Variants in ZNF423 observed in about 807,000 individuals in gnomAD.
ZNF423 encodes zinc finger protein 423, also known as Ebf-associated zinc finger protein.
Under a neutral mutation model 95.8 loss-of-function variants are expected in ZNF423, and 12 were observed. That is an observed-to-expected ratio of 0.13 (90% CI 0.08 to 0.20). The LOEUF (loss-of-function observed/expected upper bound fraction) is 0.20. ZNF423 is among the 10% of genes least tolerant of loss of function. The pLI, the probability that ZNF423 is intolerant of heterozygous loss-of-function variation, is 1.00. For synonymous variants in ZNF423, 749 were observed against 711.9 expected (o/e 1.05, Z -0.83); for missense variants, 1,316 against 1,737.1 (o/e 0.76, Z 4.31).
intron 5 of ZNF423, among the ~76,000 whole-genome samples, chr16:49,602,959 C>T (rs971964059): frequency 6.6e-6 from 1 of 152,224 alleles, no homozygotes; most frequent in Admixed American, 6.5e-5. Flanking sequence ...CACCGAGGAG[C>T]GGAAGCTTCC....
At chr16:49,513,681 G>A (rs1337484193) in intron 7 of ZNF423, among the ~76,000 whole-genome samples, 1 of 150,306 alleles carries the variant, frequency 6.7e-6, no homozygotes, top group Non-Finnish European at 1.5e-5. Flanking sequence ...ATGGACGGAC[G>A]GATGGCAAAG....
intron 7 of ZNF423, among the ~76,000 whole-genome samples, chr16:49,495,285 C>A (rs1476493411): frequency 6.6e-6 from 1 of 152,192 alleles, no homozygotes; most frequent in East Asian, 1.9e-4. Context: ...GTTTTGGGGG[C>A]CTCTGCCTGG....
At chr16:49,780,684 C>A (rs562486629) in intron 2 of ZNF423, 1 of 152,186 alleles carries the variant, frequency 6.6e-6, no homozygotes, top group African/African-American at 2.4e-5. Flanking sequence ...AACCCGCCAG[C>A]GCATGCCTGC....
At chr16:49,837,947 G>C (rs1384932333) in intron 1 of ZNF423, among the ~76,000 whole-genome samples, 4 of 152,182 alleles carry the variant, frequency 2.6e-5, no homozygotes, top group Non-Finnish European at 5.9e-5. Context: ...ATTACAATCC[G>C]GGGAGCTGCT....
At chr16:49,626,041 G>A (rs1596738138) in intron 5 of ZNF423, 129 bp downstream of exon 5, 7 of 851,944 alleles carry the variant, frequency 8.2e-6, no homozygotes, top group South Asian at 3.1e-5. Context: ...ACTCCCATGT[G>A]CAATGTCTCA....
In ZNF423 at chr16:49,571,115, T is replaced by C. The variant is rs150808352; in HGVS notation, c.3602-45621A>G. Reference sequence around the variant, plus strand: ...AGCCTTCTTGATTTGCTTGGGTTTTTTGGTTTATCCAACAAGAATTTGCTA... The same window carrying C: ...AGCCTTCTTGATTTGCTTGGGTTTTCTGGTTTATCCAACAAGAATTTGCTA... On this transcript the variant is annotated intron_variant, in intron 5 of 7. Coordinates refer to ENST00000563137, the MANE Select transcript of ZNF423 (RefSeq NM_001379286.1). 1.2e-3 allele frequency among the ~76,000 whole-genome samples: 177 copies of C among 152,376 alleles called. 1 individual carries two copies. The highest frequency in any genetic ancestry group is 3.9e-3 in the African/African-American group (162 of 41,588).
intron 7 of ZNF423, among the ~76,000 whole-genome samples, chr16:49,506,673 A>C (rs1276314470): frequency 1.3e-5 from 2 of 151,908 alleles, no homozygotes; most frequent in Non-Finnish European, 2.9e-5. Context: ...ATGGATGGAA[A>C]GGTGGGTGGA....
At chr16:49,727,577 G>A (rs186128521) in intron 3 of ZNF423, among the ~76,000 whole-genome samples, 362 of 152,062 alleles carry the variant, frequency 2.4e-3, no homozygotes, top group African/African-American at 8.4e-3. Context: ...ATACACCCCC[G>A]ACACCCCAAC....
At chr16:49,604,362 C>T (rs1971466799) in intron 5 of ZNF423, among the ~76,000 whole-genome samples, 1 of 152,158 alleles carries the variant, frequency 6.6e-6, no homozygotes, top group Admixed American at 6.5e-5. Flanking sequence ...GGTAGTGGCA[C>T]AGTGGTCCAG....
intron 3 of ZNF423, among the ~76,000 whole-genome samples, chr16:49,713,124 C>T (rs750574829): frequency 1.3e-5 from 2 of 152,216 alleles, no homozygotes; most frequent in African/African-American, 4.8e-5. Flanking sequence ...CAGAGCAAGA[C>T]CAAAGTGCTG....
intron 5 of ZNF423, among the ~76,000 whole-genome samples, chr16:49,538,850 CT>C (rs1274194448): frequency 5.9e-5 from 9 of 152,224 alleles, no homozygotes; most frequent in African/African-American, 2.2e-4. Context: ...AAAAAGGTAG[CT>C]TTCAAAACAT....
chr16:49,646,568 C>CTTTTTTTTTTTTTTTTTTTTTTTT (rs1194511671), intron 3 of ZNF423, among the ~76,000 whole-genome samples: 24 of 120,716 alleles, frequency 2.0e-4, no homozygotes, highest in Non-Finnish European at 3.8e-4. Flanking sequence ...ATTTTCTTTT[C>CTTTTTTTTTTTTTTTTTTTTTTTT]TTTTTCTTTT....
intron 5 of ZNF423, among the ~76,000 whole-genome samples, chr16:49,553,897 A>G (rs1969730912): frequency 6.6e-6 from 1 of 152,168 alleles, no homozygotes; most frequent in East Asian, 1.9e-4. Flanking sequence ...TGGGGAACTG[A>G]AGCCCCCCAA....
intron 1 of ZNF423, among the ~76,000 whole-genome samples, chr16:49,804,347 G>A (rs1403979484): frequency 6.6e-6 from 1 of 152,132 alleles, no homozygotes; most frequent in Middle Eastern, 3.2e-3. Context: ...AAAAGTCCAT[G>A]GGTCTCTTTT....
chr16:49,841,110 A>G (rs2035178229), intron 1 of ZNF423, among the ~76,000 whole-genome samples: 1 of 152,200 alleles, frequency 6.6e-6, no homozygotes. Flanking sequence ...GCCCATTTCA[A>G]AGGAAAAGAA....
intron 1 of ZNF423, among the ~76,000 whole-genome samples, chr16:49,790,273 C>A (rs956553338): frequency 6.6e-6 from 1 of 152,258 alleles, no homozygotes; most frequent in South Asian, 2.1e-4. Flanking sequence ...GATTTAATGG[C>A]CTTTCTAGCT....
At chr16:49,684,969 C>T (rs542393980) in intron 3 of ZNF423, among the ~76,000 whole-genome samples, 11 of 152,136 alleles carry the variant, frequency 7.2e-5, no homozygotes, top group African/African-American at 1.7e-4. Flanking sequence ...CAGGGGCACG[C>T]GAACCACCAA....
In ZNF423 at chr16:49,490,604, T is replaced by C. The variant is rs911895737; in HGVS notation, c.*671A>G. 3 of 152,616 alleles carry C rather than the reference T, an allele frequency of 2.0e-5. No homozygotes were observed. Among genetic ancestry groups the C allele is most frequent in the Non-Finnish European group, 4.4e-5 (3 of 68,148 alleles). 9.5% of individuals were successfully genotyped at this position (152,616 alleles called of 1,614,324 possible). On this transcript the variant is annotated 3_prime_UTR_variant, in exon 8 of 8. Coordinates refer to ENST00000563137, the MANE Select transcript of ZNF423 (RefSeq NM_001379286.1). ...GGGAGGAGAGAACCAGGCAGCCGGA[T>C]GCTAATCGCATGGATTCCCTTTATT...
At position 49,849,327 on chromosome 16, in the gene ZNF423, C is replaced by A. The variant is rs533826984; in HGVS notation, c.40+6408G>T. Among the ~76,000 whole-genome samples, 6 of 152,294 alleles carry A rather than the reference C, an allele frequency of 3.9e-5. No homozygotes were observed. In the South Asian group the frequency reaches 1.2e-3, roughly 32 times the overall value. On this transcript the variant is annotated intron_variant, in intron 1 of 7. Coordinates refer to ENST00000563137, the MANE Select transcript of ZNF423 (RefSeq NM_001379286.1). ...TCTTCTGTAAGAAAAAACTGTTTGC[C>A]AGGGTCCCATCGACCCAGAACCTGG... is the stretch of plus-strand genomic sequence containing the variant.
Sources: gnomAD v4.1 joint callset for allele counts (sites outside exome capture counted in the v4.1 genomes callset) on GRCh38, gnomAD v4.1.1 for gene constraint, MANE v1.5 for transcripts, NCBI Gene and HGNC (gene_info 2026-07-23, HGNC 2026-07-21) for gene names.